HIP1: variants seen among roughly 807,000 people sequenced by gnomAD.
HIP1 encodes the protein huntingtin interacting protein 1.
In HIP1, 65 loss-of-function variants were observed where a neutral mutation model predicts 147.6. The ratio of observed to expected loss-of-function variants is 0.44; its 90% confidence interval spans 0.36 to 0.54. The LOEUF is 0.54. HIP1 is among the 20% of genes least tolerant of loss of function. The pLI, the probability that HIP1 is intolerant of heterozygous loss-of-function variation, is 0.00. For missense variants in HIP1, 1,061 were observed against 1,299.6 expected (o/e 0.82, Z 2.82); for synonymous variants, 479 against 504.0 (o/e 0.95, Z 0.67).
intron 29 of HIP1, among the ~76,000 whole-genome samples, chr7:75,540,023 A>G (rs1272235311): frequency 6.6e-6 from 1 of 152,226 alleles, no homozygotes; most frequent in Non-Finnish European, 1.5e-5. Context: ...TGTGCAACTT[A>G]CACTTATTAC....
chr7:75,544,614 C>T (rs1043061275), intron 27 of HIP1, 81 bp downstream of exon 27: 14 of 845,240 alleles, frequency 1.7e-5, no homozygotes, highest in East Asian at 1.2e-4. Flanking sequence ...TACTGCCTAA[C>T]GCAGCCAAGT....
At chr7:75,629,674 C>T (rs1798150394) in intron 1 of HIP1, among the ~76,000 whole-genome samples, 1 of 152,058 alleles carries the variant, frequency 6.6e-6, no homozygotes, top group South Asian at 2.1e-4. Context: ...TCCTGAATAG[C>T]TGGGATTACA....
At chr7:75,716,818 T>A in intron 1 of HIP1, among the ~76,000 whole-genome samples, 1 of 137,006 alleles carries the variant, frequency 7.3e-6, no homozygotes, top group South Asian at 2.2e-4. Context: ...CACGCCCAGC[T>A]TTTTTTTAGG....
intron 1 of HIP1, among the ~76,000 whole-genome samples, chr7:75,732,518 C>T (rs1418983761): frequency 2.0e-5 from 3 of 152,050 alleles, no homozygotes; most frequent in African/African-American, 7.2e-5. Context: ...CTACAGGCAG[C>T]ACCACCATGC....
chr7:75,611,865 C>T (rs1048903717), intron 1 of HIP1: 50 of 1,019,876 alleles, frequency 4.9e-5, no homozygotes, highest in South Asian at 1.8e-4. Flanking sequence ...GCAGGAAGGG[C>T]GCCTTTCTCC....
chr7:75,679,106 C>CG (rs1455810397), intron 1 of HIP1, among the ~76,000 whole-genome samples: 4 of 152,090 alleles, frequency 2.6e-5, no homozygotes, highest in African/African-American at 9.7e-5. Context: ...CTATGACCCC[C>CG]CTTCTTCCTT....
chr7:75,689,241 C>T (rs763721616), intron 1 of HIP1, among the ~76,000 whole-genome samples: 2 of 151,846 alleles, frequency 1.3e-5, no homozygotes, highest in Non-Finnish European at 2.9e-5. Context: ...CACGGTGGCT[C>T]ACACATGTAA....
At position 75,647,211 on chromosome 7, in the gene HIP1, C is replaced by CAAAAAAAAAAAAAAAAA. The variant is rs60972195; in HGVS notation, c.121-47981_121-47965dup. Among the ~76,000 whole-genome samples the CAAAAAAAAAAAAAAAAA allele has an allele frequency of 1.9e-4, 11 of 58,002 alleles. 2 individuals are homozygous for CAAAAAAAAAAAAAAAAA. Among genetic ancestry groups the CAAAAAAAAAAAAAAAAA allele is most frequent in the East Asian group, 6.5e-4 (1 of 1,538 alleles). The allele number at this position is 58,002 out of a possible 152,430, so 38.1% of individuals were successfully genotyped here. ...CGAAACCCCATCTCTACTAAAAATA[C>CAAAAAAAAAAAAAAAAA]AAAAAAAAAAAAAAAAAAAAAAAAA... On this transcript the variant is annotated intron_variant, in intron 1 of 30. Coordinates refer to ENST00000336926, the MANE Select transcript of HIP1 (RefSeq NM_005338.7).
At chr7:75,594,013 G>T (rs987122164) in intron 2 of HIP1, among the ~76,000 whole-genome samples, 5 of 151,710 alleles carry the variant, frequency 3.3e-5, no homozygotes, top group African/African-American at 1.2e-4. Flanking sequence ...GGAGCGCGGT[G>T]GCTCACACCT....
chr7:75,557,604 A>C, intron 16 of HIP1, 50 bp downstream of exon 16: 1 of 1,329,548 alleles, frequency 7.5e-7, no homozygotes, highest in Non-Finnish European at 1.1e-6. Context: ...CCCCGCCACC[A>C]ACTCAACAGC....
Position 75,636,350 on chromosome 7 carries a change from C to CA in HIP1, c.121-37104dup, listed in dbSNP as rs587671233. On this transcript the variant is annotated intron_variant, in intron 1 of 30. Transcript: ENST00000336926. The stretch of plus-strand genomic sequence containing the variant: ...TGAGTGACACAGCGAGACTCTGTCT[C>CA]AAAAAAAAAAAAAAAAATCACGCAG... Among the ~76,000 whole-genome samples the CA allele has an allele frequency of 5.3e-3, 625 of 117,062 alleles. 13 individuals carry two copies. The highest frequency in any genetic ancestry group is 8.8e-3 in the Middle Eastern group (2 of 226). The allele number at this position is 117,062 out of a possible 152,430, so 76.8% of individuals were successfully genotyped here. A position where few individuals can be genotyped will look rare whatever the true frequency, so the allele number is the denominator to read the frequency against.
At chr7:75,715,774 C>CAAAAAAAA (rs34769081) in intron 1 of HIP1, among the ~76,000 whole-genome samples, 8 of 36,712 alleles carry the variant, frequency 2.2e-4, no homozygotes, top group African/African-American at 5.9e-4. Flanking sequence ...GATCCTGTCT[C>CAAAAAAAA]AAAAAAAAAA....
intron 1 of HIP1, among the ~76,000 whole-genome samples, chr7:75,709,066 C>G (rs1443001925): frequency 2.0e-5 from 3 of 149,012 alleles, no homozygotes; most frequent in African/African-American, 7.4e-5. Flanking sequence ...AGCCTTTCAA[C>G]TCTTTGGTTA....
chr7:75,582,365 A>G (rs1160170390), intron 5 of HIP1, among the ~76,000 whole-genome samples: 6 of 152,268 alleles, frequency 3.9e-5, no homozygotes, highest in South Asian at 2.1e-4. Context: ...AAAAAAGAAA[A>G]AAAGAAAAAT....
At chr7:75,695,876 G>A (rs1800619405) in intron 1 of HIP1, among the ~76,000 whole-genome samples, 1 of 149,238 alleles carries the variant, frequency 6.7e-6, no homozygotes, top group East Asian at 2.0e-4. Flanking sequence ...TGCCTGGCTG[G>A]TACTGGTTCT....
chr7:75,597,223 C>T (rs1243910238), intron 2 of HIP1, among the ~76,000 whole-genome samples: 2 of 152,198 alleles, frequency 1.3e-5, no homozygotes, highest in African/African-American at 4.8e-5. Flanking sequence ...CATCTTCCCA[C>T]TAAAGGCAAG....
chr7:75,666,965 C>T (rs191862392), intron 1 of HIP1, among the ~76,000 whole-genome samples: 18 of 151,592 alleles, frequency 1.2e-4, no homozygotes, highest in African/African-American at 4.1e-4. Context: ...CACAGTTTTA[C>T]GAAAAGGGTT....
chr7:75,639,841 T>A (rs1313006847), intron 1 of HIP1, among the ~76,000 whole-genome samples: 3 of 152,044 alleles, frequency 2.0e-5, no homozygotes, highest in African/African-American at 7.2e-5. Flanking sequence ...GCCTCCCGAA[T>A]GAGACTGGGG....
At chr7:75,665,159 G>A (rs1799516163) in intron 1 of HIP1, among the ~76,000 whole-genome samples, 1 of 152,066 alleles carries the variant, frequency 6.6e-6, no homozygotes, top group Non-Finnish European at 1.5e-5. Flanking sequence ...CTAGTCAGGG[G>A]GTTGAGGGAG....
Sources: allele counts gnomAD v4.1 joint callset (sites outside exome capture counted in the v4.1 genomes callset), GRCh38; gene constraint gnomAD v4.1.1; transcripts MANE v1.5; gene names NCBI Gene and HGNC (gene_info 2026-07-23, HGNC 2026-07-21).